The following CADPS2 variants were observed in gnomAD, a reference collection of about 807,000 sequenced individuals.
CADPS2 encodes calcium dependent secretion activator 2, also known as calcium-dependent secretion activator 2.
Under a neutral mutation model 172.5 loss-of-function variants are expected in CADPS2, and 93 were observed. The observed-to-expected ratio is 0.54, with a 90% CI of 0.46 to 0.64. CADPS2 has a LOEUF of 0.64. CADPS2 is among the 30% of genes least tolerant of loss of function. The pLI is 0.00. For missense variants in CADPS2, 1,420 were observed against 1,565.9 expected (o/e 0.91, Z 1.57); for synonymous variants, 546 against 555.2 (o/e 0.98, Z 0.23).
chr7:122,719,137 A>C (rs961439744), intron 2 of CADPS2, among the ~76,000 whole-genome samples: 7 of 151,336 alleles, frequency 4.6e-5, no homozygotes, highest in African/African-American at 1.2e-4. Flanking sequence ...GTGTAGGAGG[A>C]GGGAGCCATG....
chr7:122,846,237 A>G (rs1012103340), intron 1 of CADPS2, among the ~76,000 whole-genome samples: 3 of 152,214 alleles, frequency 2.0e-5, no homozygotes, highest in African/African-American at 7.2e-5. Flanking sequence ...ACTCCAAGGA[A>G]TAAAAAGATA....
intron 1 of CADPS2, among the ~76,000 whole-genome samples, chr7:122,871,129 C>A (rs188900894): frequency 6.6e-6 from 1 of 150,826 alleles, no homozygotes; most frequent in Non-Finnish European, 1.5e-5. Context: ...ATGGAAAAGT[C>A]AAACAAAGGA....
At chr7:122,368,403 T>C (rs751653681) in intron 25 of CADPS2, among the ~76,000 whole-genome samples, 4 of 152,202 alleles carry the variant, frequency 2.6e-5, no homozygotes, top group Admixed American at 2.0e-4. Context: ...TTCTGCATGG[T>C]GTTGTGGAGA....
chr7:122,749,290 C>A (rs954730415), intron 1 of CADPS2, among the ~76,000 whole-genome samples: 9 of 152,034 alleles, frequency 5.9e-5, no homozygotes, highest in African/African-American at 2.2e-4. Flanking sequence ...CAAGAGGAAC[C>A]CAGCCACCAC....
chr7:122,642,936 T>G (rs1228909043), intron 3 of CADPS2, among the ~76,000 whole-genome samples: 1 of 152,234 alleles, frequency 6.6e-6, no homozygotes, highest in East Asian at 1.9e-4. Context: ...TTTTGTTTTC[T>G]TATAATATTT....
chr7:122,878,851 A>T (rs1433552778), intron 1 of CADPS2, among the ~76,000 whole-genome samples: 1 of 152,142 alleles, frequency 6.6e-6, no homozygotes, highest in Non-Finnish European at 1.5e-5. Context: ...ATAGTGTTAA[A>T]TTCACATAAT....
intron 3 of CADPS2, among the ~76,000 whole-genome samples, chr7:122,635,721 A>G (rs2077008744): frequency 6.6e-6 from 1 of 152,142 alleles, no homozygotes; most frequent in Admixed American, 6.5e-5. Context: ...GCTACTGTGA[A>G]TAGTGGTGTG....
intron 3 of CADPS2, among the ~76,000 whole-genome samples, chr7:122,652,651 T>C (rs1467434464): frequency 6.6e-6 from 1 of 152,202 alleles, no homozygotes; most frequent in Non-Finnish European, 1.5e-5. Flanking sequence ...GTTATGCCAC[T>C]CATTTTAGAC....
intron 17 of CADPS2, among the ~76,000 whole-genome samples, chr7:122,425,595 G>C (rs2049065790): frequency 6.6e-6 from 1 of 151,968 alleles, no homozygotes; most frequent in Non-Finnish European, 1.5e-5. Context: ...GACAGAGTGA[G>C]ACCCTGTCTC....
In CADPS2 at chr7:122,886,177, G is replaced by T; in HGVS notation, c.161C>A (p.Ala54Asp). ...APGRAGGGGA[A>D]RSVSPSPSVL... ...AGAGGGGCTCGGGCTCACAGATCTG[G>T]CCGCGCCGCCGCCGCCCGCGCGCCC... is the stretch of plus-strand genomic sequence containing the variant. The change falls in exon 1 of 30, where the codon GCC becomes GAC. Residue 54 changes from alanine to aspartate, a missense_variant. Ala to Asp is a moderately radical substitution (Grantham distance 126). Coordinates refer to ENST00000449022, the MANE Select transcript of CADPS2 (RefSeq NM_017954.11). 1 of 1,479,572 alleles carries T rather than the reference G, an allele frequency of 6.8e-7. No individual in the cohort carries two copies. 91.7% of individuals were successfully genotyped at this position (1,479,572 alleles called of 1,614,324 possible). A position where few individuals can be genotyped will look rare whatever the true frequency, so the allele number is the denominator to read the frequency against.
intron 1 of CADPS2, among the ~76,000 whole-genome samples, chr7:122,857,376 C>CA (rs1372501755): frequency 6.6e-6 from 1 of 151,778 alleles, no homozygotes; most frequent in African/African-American, 2.4e-5. Context: ...AATAAAGAAA[C>CA]AAAAAATAGT....
At chr7:122,375,075 G>T (rs1489395201) in intron 25 of CADPS2, among the ~76,000 whole-genome samples, 1 of 152,036 alleles carries the variant, frequency 6.6e-6, no homozygotes, top group African/African-American at 2.4e-5. Context: ...AAAATCCCAT[G>T]TTCATGAATT....
At chr7:122,663,173 G>A in intron 3 of CADPS2, 64 bp downstream of exon 3, 2 of 1,210,512 alleles carry the variant, frequency 1.7e-6, no homozygotes, top group Non-Finnish European at 2.3e-6. Flanking sequence ...TCATAGGCTT[G>A]TAAATACTTC....
At chr7:122,503,852 G>A (rs910625722) in intron 9 of CADPS2, among the ~76,000 whole-genome samples, 2 of 152,170 alleles carry the variant, frequency 1.3e-5, no homozygotes, top group Admixed American at 6.5e-5. Context: ...GAATGGAGGA[G>A]ATAAATGAAT....
At chr7:122,849,941 G>T in intron 1 of CADPS2, 1 of 559,506 alleles carries the variant, frequency 1.8e-6, no homozygotes. Flanking sequence ...CCCAGCTCCT[G>T]GCCCAGTACT....
intron 7 of CADPS2, among the ~76,000 whole-genome samples, chr7:122,580,443 A>T (rs535156373): frequency 7.8e-6 from 1 of 128,344 alleles, no homozygotes. Context: ...ACAGAGCAAG[A>T]TTCTGTCTCA....
chr7:122,815,604 G>A (rs1164353137), intron 1 of CADPS2, among the ~76,000 whole-genome samples: 2 of 149,174 alleles, frequency 1.3e-5, no homozygotes, highest in Non-Finnish European at 3.0e-5. Flanking sequence ...AAATCCATGG[G>A]TAATAATGAA....
chr7:122,634,442 T>C (rs1217051447), intron 3 of CADPS2, among the ~76,000 whole-genome samples: 1 of 152,218 alleles, frequency 6.6e-6, no homozygotes, highest in East Asian at 1.9e-4. Context: ...CCTCCAGATT[T>C]TCTATGTAGC....
chr7:122,410,530 T>C (rs1202149461), intron 19 of CADPS2, among the ~76,000 whole-genome samples: 1 of 151,822 alleles, frequency 6.6e-6, no homozygotes, highest in African/African-American at 2.4e-5. Context: ...TACTGAGCTT[T>C]TGAGCTTAGT....
Sources: allele counts gnomAD v4.1 joint callset (sites outside exome capture counted in the v4.1 genomes callset), GRCh38; gene constraint gnomAD v4.1.1; transcripts MANE v1.5; gene names NCBI Gene and HGNC (gene_info 2026-07-23, HGNC 2026-07-21).